RPGRIP1L: variants seen among roughly 807,000 people sequenced by gnomAD.
RPGRIP1L encodes protein fantom.
RPGRIP1L carries 131 observed loss-of-function variants against 160.4 expected under a neutral mutation model. The observed-to-expected ratio is 0.82, with a 90% confidence interval of 0.71 to 0.94. The LOEUF (loss-of-function observed/expected upper bound fraction) is 0.94, where lower values mean the gene tolerates loss of function less well. Ranked by LOEUF, RPGRIP1L falls within the 40% of genes least tolerant of loss-of-function variation. The pLI is 0.00. For synonymous variants in RPGRIP1L, 510 were observed against 515.8 expected (o/e 0.99, Z 0.15); for missense variants, 1,522 against 1,535.8 (o/e 0.99, Z 0.15).
chr16:53,622,419 C>G, intron 22 of RPGRIP1L, 63 bp from the exon 23 acceptor site: 1 of 554,550 alleles, frequency 1.8e-6, no homozygotes. Context: ...TAATAGACAA[C>G]TTCATCTCAG....
chr16:53,610,412 A>G (rs1963953850), intron 25 of RPGRIP1L, among the ~76,000 whole-genome samples: 1 of 152,234 alleles, frequency 6.6e-6, no homozygotes, highest in Non-Finnish European at 1.5e-5. Context: ...AAACAATAAT[A>G]TTAATGTCAC....
intron 2 of RPGRIP1L, among the ~76,000 whole-genome samples, chr16:53,698,331 C>G (rs1398115127): frequency 6.9e-6 from 1 of 145,966 alleles, no homozygotes; most frequent in Admixed American, 6.7e-5. Flanking sequence ...GGGGTCAGCC[C>G]CCCGCCCGGC....
At chr16:53,656,613 T>A in intron 13 of RPGRIP1L, 24 bp from the exon 14 acceptor site, 3 of 1,436,150 alleles carry the variant, frequency 2.1e-6, no homozygotes, top group Non-Finnish European at 2.9e-6. Flanking sequence ...GAAAATAAGT[T>A]TTAATACTTA....
intron 22 of RPGRIP1L, among the ~76,000 whole-genome samples, chr16:53,635,836 C>G (rs1965802840): frequency 6.6e-6 from 1 of 152,072 alleles, no homozygotes; most frequent in African/African-American, 2.4e-5. Flanking sequence ...ATAAAAAATG[C>G]TCTGGTAAAC....
At chr16:53,678,808 A>G (rs1019261993) in intron 6 of RPGRIP1L, among the ~76,000 whole-genome samples, 1 of 152,208 alleles carries the variant, frequency 6.6e-6, no homozygotes, top group African/African-American at 2.4e-5. Flanking sequence ...AAACAACCTT[A>G]GGGTTAAAAA....
At chr16:53,698,549 T>A (rs1361416532) in intron 2 of RPGRIP1L, among the ~76,000 whole-genome samples, 1 of 117,786 alleles carries the variant, frequency 8.5e-6, no homozygotes. Context: ...GGTGGAGGGG[T>A]CAGCCCCCCG....
At chr16:53,698,282 C>CA (rs1970998010) in intron 2 of RPGRIP1L, among the ~76,000 whole-genome samples, 1 of 150,490 alleles carries the variant, frequency 6.6e-6, no homozygotes, top group African/African-American at 2.5e-5. Context: ...GGGGGTCAGC[C>CA]CCCGCCAGGC....
At chr16:53,610,753 G>C (rs191392839) in intron 25 of RPGRIP1L, among the ~76,000 whole-genome samples, 19 of 152,266 alleles carry the variant, frequency 1.2e-4, no homozygotes, top group Admixed American at 4.6e-4. Flanking sequence ...AAGTCCTATA[G>C]GATCATTACA....
At chr16:53,656,130 A>G (rs759832175) in intron 14 of RPGRIP1L, among the ~76,000 whole-genome samples, 43 of 152,208 alleles carry the variant, frequency 2.8e-4, no homozygotes, top group Non-Finnish European at 4.4e-4. Flanking sequence ...CACTGAATTT[A>G]AAAAGCAGTA....
At chr16:53,636,548 T>C (rs778657345) in intron 21 of RPGRIP1L, 36 bp from the exon 22 acceptor site, 1 of 1,414,450 alleles carries the variant, frequency 7.1e-7, no homozygotes, top group East Asian at 2.3e-5. Context: ...TTTACACAAG[T>C]TAAACCAATT....
At chr16:53,637,994 AAAC>A (rs1965948243) in intron 20 of RPGRIP1L, 140 bp from the exon 21 acceptor site, 5 of 789,142 alleles carry the variant, frequency 6.3e-6, no homozygotes, top group East Asian at 2.6e-5. Context: ...GAGACTCAGA[AAAC>A]AACCACTTCA....
intron 5 of RPGRIP1L, among the ~76,000 whole-genome samples, chr16:53,687,253 CT>C (rs988019565): frequency 6.6e-6 from 1 of 152,108 alleles, no homozygotes; most frequent in Non-Finnish European, 1.5e-5. Flanking sequence ...AGTATTGTTA[CT>C]TTTTGATGAT....
At chr16:53,697,724 C>G (rs1186793180) in intron 2 of RPGRIP1L, among the ~76,000 whole-genome samples, 2 of 152,070 alleles carry the variant, frequency 1.3e-5, no homozygotes, top group East Asian at 3.9e-4. Flanking sequence ...ACCTCCACCT[C>G]CCAGCCGCCT....
chr16:53,610,825 C>T, intron 25 of RPGRIP1L, 142 bp downstream of exon 25: 1 of 710,690 alleles, frequency 1.4e-6, no homozygotes, highest in Non-Finnish European at 2.6e-6. Flanking sequence ...TACAGAGATC[C>T]CGTACTCATT....
At chr16:53,669,511 A>G (rs1454309284) in intron 9 of RPGRIP1L, among the ~76,000 whole-genome samples, 1 of 152,088 alleles carries the variant, frequency 6.6e-6, no homozygotes, top group Non-Finnish European at 1.5e-5. Context: ...CTAATATGGA[A>G]AGATAAAGTT....
chr16:53,697,208 A>G (rs1456266377), intron 2 of RPGRIP1L, among the ~76,000 whole-genome samples: 2 of 152,080 alleles, frequency 1.3e-5, no homozygotes, highest in African/African-American at 4.8e-5. Context: ...AAGAAAGAAA[A>G]GAAAGAAAAA....
chr16:53,630,894 G>A (rs532002113), intron 22 of RPGRIP1L, among the ~76,000 whole-genome samples: 5 of 151,932 alleles, frequency 3.3e-5, no homozygotes, highest in East Asian at 3.9e-4. Context: ...CAACACGCCC[G>A]GCTAATTTTT....
intron 25 of RPGRIP1L, chr16:53,607,887 A>G (rs1963783763): frequency 1.8e-6 from 1 of 553,388 alleles, no homozygotes; most frequent in Non-Finnish European, 2.3e-6. Flanking sequence ...TTAAAAAATA[A>G]CGAAAAGACA....
At chr16:53,663,065 T>C (rs1226601221) in intron 10 of RPGRIP1L, among the ~76,000 whole-genome samples, 1 of 151,952 alleles carries the variant, frequency 6.6e-6, no homozygotes, top group Non-Finnish European at 1.5e-5. Flanking sequence ...TAGAAATAAC[T>C]CTGAAAGGAC....
Sources: gnomAD v4.1 joint callset for allele counts (sites outside exome capture counted in the v4.1 genomes callset) on GRCh38, gnomAD v4.1.1 for gene constraint, MANE v1.5 for transcripts, NCBI Gene and HGNC (gene_info 2026-07-23, HGNC 2026-07-21) for gene names.